The following DACH1 variants were observed in gnomAD, a reference collection of about 807,000 sequenced individuals.
DACH1 encodes dachshund homolog 1.
In DACH1, 12 loss-of-function variants were observed where a neutral mutation model predicts 54.2. The observed-to-expected ratio is 0.22, with a 90% confidence interval of 0.14 to 0.36. DACH1 has a LOEUF of 0.36. Among genes scored for constraint, DACH1 ranks in the 10% least tolerant of loss-of-function variants. The pLI is 1.00. For missense variants in DACH1, 805 were observed against 929.8 expected, an observed-to-expected ratio of 0.87 and a Z score of 1.75; for synonymous variants, 386 against 366.2, an observed-to-expected ratio of 1.05 and a Z score of -0.62.
Position 71,735,647 on chromosome 13 carries a change from G to A in DACH1, c.849-53737C>T, listed in dbSNP as rs546398754. ...GCATATGTGTATATGGGATATACGT[G>A]TATATATATGGGATTATATATATCC... On this transcript the variant is annotated intron_variant, in intron 1 of 10. Transcript: ENST00000613252. Among the ~76,000 whole-genome samples, 124 of 151,504 alleles carry A rather than the reference G, an allele frequency of 8.2e-4. 1 individual carries two copies. The highest frequency in any genetic ancestry group is 2.7e-3 in the African/African-American group (110 of 41,152).
Position 71,807,437 on chromosome 13 carries a change from A to AAG in DACH1, c.848+58484_848+58485insCT, listed in dbSNP as rs1428554886. 7.2e-4 allele frequency among the ~76,000 whole-genome samples: 109 copies of AAG among 151,424 alleles called. 4 individuals are homozygous for AAG. In the South Asian group the frequency reaches 0.023, roughly 31 times the overall value. ...CAGATTGCAAAAAAAAAAAAAAAAA[A>AAG]AAATCCTCAATATGTAAAAATAGCA... On this transcript the variant is annotated intron_variant, in intron 1 of 10. Transcript: ENST00000613252.
intron 1 of DACH1, among the ~76,000 whole-genome samples, chr13:71,803,074 G>A (rs1260019261): frequency 6.6e-6 from 1 of 151,994 alleles, no homozygotes; most frequent in African/African-American, 2.4e-5. Context: ...ACATATTAAG[G>A]TTAATCTCTT....
intron 1 of DACH1, among the ~76,000 whole-genome samples, chr13:71,726,896 A>T (rs1016792490): frequency 2.0e-5 from 3 of 152,046 alleles, no homozygotes; most frequent in Non-Finnish European, 4.4e-5. Context: ...GATATCAGAG[A>T]CCAACAATAA....
chr13:71,818,306 G>T (rs1435917930), intron 1 of DACH1, among the ~76,000 whole-genome samples: 3 of 152,316 alleles, frequency 2.0e-5, no homozygotes, highest in Admixed American at 6.5e-5. Context: ...GCTTTCACTA[G>T]GTTGTCTGTG....
intron 8 of DACH1, among the ~76,000 whole-genome samples, chr13:71,478,967 T>C (rs1269918513): frequency 6.6e-6 from 1 of 152,154 alleles, no homozygotes; most frequent in Non-Finnish European, 1.5e-5. Context: ...TGTATTTCAA[T>C]TTCCTGAGGT....
intron 1 of DACH1, among the ~76,000 whole-genome samples, chr13:71,768,882 C>T (rs1179414412): frequency 6.6e-6 from 1 of 151,836 alleles, no homozygotes. Flanking sequence ...TTTGATTGCA[C>T]ATTTTCTGAG....
chr13:71,735,890 A>G (rs4884957), intron 1 of DACH1, among the ~76,000 whole-genome samples: 122,770 of 151,988 alleles, frequency 0.81, 50,401 homozygotes, highest in Non-Finnish European at 0.89. Flanking sequence ...AAGGATTTGA[A>G]CCAGATTGTG....
At chr13:71,609,682 C>T (rs1041642344) in intron 3 of DACH1, among the ~76,000 whole-genome samples, 2 of 151,964 alleles carry the variant, frequency 1.3e-5, no homozygotes, top group African/African-American at 4.8e-5. Context: ...CTCACCAACA[C>T]GCCCGGCTAA....
chr13:71,592,775 A>G (rs1326967046), intron 3 of DACH1, among the ~76,000 whole-genome samples: 1 of 152,160 alleles, frequency 6.6e-6, no homozygotes, highest in Non-Finnish European at 1.5e-5. Flanking sequence ...TTCACAAGAG[A>G]AAAAGCAATC....
intron 1 of DACH1, among the ~76,000 whole-genome samples, chr13:71,778,889 C>A (rs1886188451): frequency 6.6e-6 from 1 of 151,748 alleles, no homozygotes; most frequent in African/African-American, 2.4e-5. Context: ...AGGCAGATAC[C>A]AGAAAGTTGG....
At chr13:71,730,417 G>A (rs1883686429) in intron 1 of DACH1, among the ~76,000 whole-genome samples, 3 of 152,114 alleles carry the variant, frequency 2.0e-5, no homozygotes, top group Admixed American at 1.3e-4. Context: ...TGTGTAAAAT[G>A]TATGTTTTCA....
intron 1 of DACH1, among the ~76,000 whole-genome samples, chr13:71,701,390 AT>A (rs1282471919): frequency 1.3e-5 from 2 of 152,314 alleles, no homozygotes; most frequent in East Asian, 3.9e-4. Context: ...TTTTCCAAAA[AT>A]TGTAGTACTT....
At chr13:71,563,810 A>T (rs1167354248) in intron 4 of DACH1, among the ~76,000 whole-genome samples, 3 of 151,614 alleles carry the variant, frequency 2.0e-5, no homozygotes, top group Non-Finnish European at 4.4e-5. Flanking sequence ...AGAACAAAGG[A>T]TACAAAAACA....
intron 1 of DACH1, among the ~76,000 whole-genome samples, chr13:71,865,282 C>G (rs1357995528): frequency 6.6e-6 from 1 of 152,184 alleles, no homozygotes; most frequent in Non-Finnish European, 1.5e-5. Context: ...AGCCCATCCC[C>G]CGGGATGGAC....
chr13:71,635,793 T>C (rs1877445691), intron 2 of DACH1, among the ~76,000 whole-genome samples: 2 of 152,150 alleles, frequency 1.3e-5, no homozygotes, highest in South Asian at 4.1e-4. Flanking sequence ...TCTTTTCTTT[T>C]CTTTTTTGAG....
intron 1 of DACH1, among the ~76,000 whole-genome samples, chr13:71,770,071 G>T (rs1285923380): frequency 6.6e-6 from 1 of 151,602 alleles, no homozygotes; most frequent in African/African-American, 2.4e-5. Context: ...AATCAATTCT[G>T]CCATTCACTC....
intron 1 of DACH1, among the ~76,000 whole-genome samples, chr13:71,863,746 G>T (rs1009387153): frequency 4.0e-5 from 6 of 151,492 alleles, no homozygotes; most frequent in African/African-American, 1.5e-4. Context: ...TTATTATAAT[G>T]CAGTCATTGA....
At chr13:71,689,244 G>T (rs985457523) in intron 1 of DACH1, among the ~76,000 whole-genome samples, 1 of 152,016 alleles carries the variant, frequency 6.6e-6, no homozygotes, top group Admixed American at 6.6e-5. Flanking sequence ...ATATTCCACC[G>T]GATGCCAGAA....
rs189648492 is a variant in DACH1 at position 71,713,068 on chromosome 13, A to G, written c.849-31158T>C. ...CATGGCAGCAAGGGGTCACAAGCCC[A>G]AGATTTCTTCTTTTCTTCTTCTTTT... is the stretch of plus-strand genomic sequence containing the variant. On this transcript the variant is annotated intron_variant, in intron 1 of 10. Coordinates refer to ENST00000613252, the MANE Select transcript of DACH1 (RefSeq NM_080759.6). Among the ~76,000 whole-genome samples, 615 of 151,544 alleles carry G rather than the reference A, an allele frequency of 4.1e-3. 2 individuals carry two copies. Among genetic ancestry groups the G allele is most frequent in the African/African-American group, 0.014 (579 of 41,188 alleles).
Sources: gnomAD v4.1 joint callset for allele counts (sites outside exome capture counted in the v4.1 genomes callset) on GRCh38, gnomAD v4.1.1 for gene constraint, MANE v1.5 for transcripts, NCBI Gene and HGNC (gene_info 2026-07-23, HGNC 2026-07-21) for gene names.